Variants in CFAP47 observed in about 807,000 individuals in gnomAD.
The protein encoded by CFAP47 is cilia and flagella associated protein 47.
Under a neutral mutation model 148.1 loss-of-function variants are expected in CFAP47, and 29 were observed. The ratio of observed to expected loss-of-function variants is 0.20; its 90% CI spans 0.15 to 0.27. CFAP47 has a LOEUF of 0.27. Ranked by LOEUF, CFAP47 falls within the 10% of genes least tolerant of loss-of-function variation. The pLI is 1.00. For synonymous variants in CFAP47, 664 were observed against 577.3 expected, an observed-to-expected ratio of 1.15 and a Z score of -2.15; for missense variants, 1,872 against 1,697.5, an observed-to-expected ratio of 1.10 and a Z score of -1.81.
intron 62 of CFAP47, among the ~76,000 whole-genome samples, chrX:36,371,549 G>GTA (rs1162664706): frequency 9.8e-6 from 1 of 102,504 alleles, no homozygotes; most frequent in African/African-American, 3.5e-5. Context: ...ATACATATGT[G>GTA]TATATATATG....
intron 28 of CFAP47, 31 bp from the exon 29 acceptor site, chrX:36,073,108 C>T: frequency 9.5e-7 from 1 of 1,051,447 alleles, no homozygotes; most frequent in Non-Finnish European, 1.3e-6. Flanking sequence ...CGTCAAGTAG[C>T]CCTTTTTTAA....
At chrX:36,044,361 C>T (rs749858009) in intron 25 of CFAP47, among the ~76,000 whole-genome samples, 2 of 112,887 alleles carry the variant, frequency 1.8e-5, no homozygotes, top group East Asian at 5.6e-4. Flanking sequence ...TGCAAATTTT[C>T]GAAACCTTTA....
intron 59 of CFAP47, among the ~76,000 whole-genome samples, chrX:36,351,862 A>G (rs782705213): frequency 8.9e-6 from 1 of 112,225 alleles, no homozygotes. Context: ...TTATAAATAC[A>G]TATCATTTAC....
rs768498053 is a variant in CFAP47 at position 36,037,338 on chromosome X, T to TTTGTTGTTG, written c.3811+1518_3811+1526dup. Among the ~76,000 whole-genome samples the TTTGTTGTTG allele has an allele frequency of 3.1e-3, 324 of 106,211 alleles. 2 individuals are homozygous for TTTGTTGTTG. Among genetic ancestry groups the TTTGTTGTTG allele is most frequent in the Middle Eastern group, 0.014 (3 of 212 alleles). The allele number at this position is 106,211 out of a possible 115,157, so 92.2% of individuals were successfully genotyped here. ...TTTTATTAGGCTCCCAACTTTACTCTTTGTTGTTGTTGTTGTTGTTGTTGT... is the reference window on the plus strand; with the variant it reads ...TTTTATTAGGCTCCCAACTTTACTCTTTGTTGTTGTTGTTGTTGTTGTTGTTGTTGTTGT... On this transcript the variant is annotated intron_variant, in intron 24 of 63. Transcript: ENST00000378653.
At chrX:36,319,426 A>T in intron 57 of CFAP47, 119 bp downstream of exon 57, 2 of 257,467 alleles carry the variant, frequency 7.8e-6, no homozygotes, top group Admixed American at 1.4e-4. Flanking sequence ...TAATTTTAAA[A>T]TTTTGGAACA....
intron 57 of CFAP47, among the ~76,000 whole-genome samples, chrX:36,324,082 T>C (rs1556012565): frequency 1.8e-5 from 2 of 111,675 alleles, no homozygotes; most frequent in Non-Finnish European, 3.8e-5. Context: ...CTGCCAGGTT[T>C]TCACTTTGAA....
chrX:36,286,791 A>T (rs781969036), intron 51 of CFAP47, among the ~76,000 whole-genome samples: 1 of 111,713 alleles, frequency 9.0e-6, no homozygotes, highest in East Asian at 2.8e-4. Flanking sequence ...AAAAGGAGAA[A>T]TTGGCTTTCT....
intron 35 of CFAP47, among the ~76,000 whole-genome samples, chrX:36,142,260 G>A (rs1320247985): frequency 9.0e-6 from 1 of 111,293 alleles, no homozygotes; most frequent in Non-Finnish European, 1.9e-5. Flanking sequence ...TGATGAAACT[G>A]AGGCCCAGGA....
At chrX:35,981,532 A>G (rs1936644673) in intron 15 of CFAP47, among the ~76,000 whole-genome samples, 1 of 110,181 alleles carries the variant, frequency 9.1e-6, no homozygotes, top group African/African-American at 3.3e-5. Context: ...ACATTTTTAA[A>G]AACTTTTATT....
intron 10 of CFAP47, among the ~76,000 whole-genome samples, chrX:35,970,088 C>A (rs1311892021): frequency 2.2e-5 from 2 of 90,379 alleles, no homozygotes; most frequent in Non-Finnish European, 4.3e-5. Context: ...GTTTTAATTA[C>A]TGAGGGTGAA....
intron 49 of CFAP47, among the ~76,000 whole-genome samples, chrX:36,274,210 G>A (rs1940989508): frequency 9.0e-6 from 1 of 111,691 alleles, no homozygotes; most frequent in African/African-American, 3.2e-5. Flanking sequence ...GTGAGTTAGG[G>A]GAAAGAAAAA....
chrX:36,018,915 G>A, intron 22 of CFAP47, among the ~76,000 whole-genome samples: 1 of 111,138 alleles, frequency 9.0e-6, no homozygotes, highest in East Asian at 2.8e-4. Context: ...AATAGTTTGA[G>A]GAGGATTGGT....
chrX:36,006,958 C>G (rs1202718923), intron 21 of CFAP47, among the ~76,000 whole-genome samples: 2 of 112,006 alleles, frequency 1.8e-5, no homozygotes, highest in Non-Finnish European at 3.8e-5. Flanking sequence ...GGCTATTGTA[C>G]AATGCAGAGC....
chrX:36,346,740 C>T (rs180915420), intron 57 of CFAP47, among the ~76,000 whole-genome samples: 30 of 111,769 alleles, frequency 2.7e-4, no homozygotes, highest in African/African-American at 9.1e-4. Flanking sequence ...TCAACATTTC[C>T]TCAGTTCTAG....
chrX:36,308,228 A>T (rs1356985327), intron 55 of CFAP47, among the ~76,000 whole-genome samples: 1 of 111,781 alleles, frequency 8.9e-6, no homozygotes, highest in Non-Finnish European at 1.9e-5. Context: ...AGAAAATATT[A>T]TCAATTCAAA....
At position 36,200,230 on chromosome X, in the gene CFAP47, T is replaced by C. The variant is rs138332908; in HGVS notation, c.6322-149T>C. 92 of 271,764 alleles carry C rather than the reference T, an allele frequency of 3.4e-4. No homozygotes were observed. The East Asian group carries it at 4.8e-3, about 14-fold the overall frequency. The allele number at this position is 271,764 out of a possible 1,213,427, so 22.4% of individuals were successfully genotyped here. A position where few individuals can be genotyped will look rare whatever the true frequency, so the allele number is the denominator to read the frequency against. ...CTATGGTTGAACTATATTTGTGCCT[T>C]ACCTTTGTTTACCCATTTATAGGCT... On this transcript the variant is annotated intron_variant, in intron 42 of 63. Transcript: ENST00000378653.
chrX:35,954,816 G>A (rs1936220125), intron 7 of CFAP47, among the ~76,000 whole-genome samples: 2 of 111,477 alleles, frequency 1.8e-5, no homozygotes, highest in South Asian at 7.4e-4. Flanking sequence ...TTTTTCATGT[G>A]CACTTATATC....
intron 63 of CFAP47, among the ~76,000 whole-genome samples, chrX:36,381,830 A>C (rs782305081): frequency 9.1e-6 from 1 of 110,045 alleles, no homozygotes; most frequent in African/African-American, 3.3e-5. Flanking sequence ...ATTCATATAT[A>C]TTACACAGTA....
chrX:36,375,103 T>C lies in CFAP47; in HGVS notation c.9186-4247T>C. 3 of 380,505 alleles carry C rather than the reference T, an allele frequency of 7.9e-6. No homozygotes were observed. The East Asian group carries it at 1.7e-4, about 22-fold the overall frequency. The allele number at this position is 380,505 out of a possible 1,213,427, so 31.4% of individuals were successfully genotyped here. A position where few individuals can be genotyped will look rare whatever the true frequency, so the allele number is the denominator to read the frequency against. ...TGGATGATGACTTTGGAGCATGACCTAATAAGAACCTGGCGTTTGCCTCTC... is the reference window on the plus strand; with the variant it reads ...TGGATGATGACTTTGGAGCATGACCCAATAAGAACCTGGCGTTTGCCTCTC... On this transcript the variant is annotated intron_variant, in intron 62 of 63. Transcript: ENST00000378653.
Sources: gnomAD v4.1 joint callset for allele counts (sites outside exome capture counted in the v4.1 genomes callset) on GRCh38, gnomAD v4.1.1 for gene constraint, MANE v1.5 for transcripts, NCBI Gene and HGNC (gene_info 2026-07-23, HGNC 2026-07-21) for gene names.